Variants in RAF1 observed in about 807,000 individuals in gnomAD.
RAF1 encodes RAF proto-oncogene serine/threonine-protein kinase.
In RAF1, 27 loss-of-function variants were observed where a neutral mutation model predicts 81.1. That is an observed-to-expected ratio of 0.33 (90% confidence interval 0.25 to 0.46). The LOEUF (loss-of-function observed/expected upper bound fraction) is 0.46. RAF1 is among the 20% of genes least tolerant of loss of function. The pLI is 1.00. For synonymous variants in RAF1, 298 were observed against 294.0 expected, an observed-to-expected ratio of 1.01 and a Z score of -0.14; for missense variants, 598 against 826.0, an observed-to-expected ratio of 0.72 and a Z score of 3.38.
intron 1 of RAF1, among the ~76,000 whole-genome samples, chr3:12,624,591 A>T: frequency 6.6e-6 from 1 of 152,234 alleles, no homozygotes; most frequent in East Asian, 1.9e-4. Context: ...CCAAAGTGAA[A>T]ATCAGCTTCT....
intron 2 of RAF1, among the ~76,000 whole-genome samples, chr3:12,614,316 A>T (rs572828639): frequency 2.0e-5 from 3 of 152,298 alleles, no homozygotes; most frequent in Non-Finnish European, 2.9e-5. Flanking sequence ...CTGGGAAAGG[A>T]GTGGATGAAA....
intron 1 of RAF1, among the ~76,000 whole-genome samples, chr3:12,643,274 G>C (rs1017390417): frequency 6.6e-6 from 1 of 152,054 alleles, no homozygotes; most frequent in Non-Finnish European, 1.5e-5. Context: ...GCAGAGTTCT[G>C]AGCACTAATC....
In RAF1 at chr3:12,584,833, G is replaced by A. The variant is rs768479354; in HGVS notation, c.1863+14C>T. ...CCCATGCTTTAATCACATTCTAGCA[G>A]CCCTGAGCCTTACCTGGGGAAAAAG... On this transcript the variant is annotated intron_variant, in intron 17 of 17. Transcript: ENST00000442415. The A allele has an allele frequency of 1.9e-6, 3 of 1,613,802 alleles. No individual in the cohort carries two copies. In the Admixed American group the frequency reaches 5.0e-5, roughly 27 times the overall value.
rs185684272 is a variant in RAF1 at position 12,585,601 on chromosome 3, G to A, written c.1596+80C>T. 133 of 1,406,534 alleles carry A rather than the reference G, an allele frequency of 9.5e-5. No individual in the cohort carries two copies. The African/African-American group carries it at 1.4e-3, about 15-fold the overall frequency. The allele number at this position is 1,406,534 out of a possible 1,614,324, so 87.1% of individuals were successfully genotyped here. On this transcript the variant is annotated intron_variant, in intron 15 of 17. Transcript: ENST00000442415. ...GGATTTCGGGGAAATGTACAGAAAC[G>A]CTTTAAGTTTGCACATAAATCTCCA... is the stretch of plus-strand genomic sequence containing the variant.
chr3:12,591,363 G>A (rs973986190), intron 12 of RAF1, among the ~76,000 whole-genome samples: 2 of 151,916 alleles, frequency 1.3e-5, no homozygotes, highest in South Asian at 2.1e-4. Flanking sequence ...CTAAAATAAG[G>A]CAACTCAGCT....
At chr3:12,588,429 G>T (rs947112146) in intron 13 of RAF1, 1 of 152,178 alleles carries the variant, frequency 6.6e-6, no homozygotes, top group Non-Finnish European at 1.5e-5. Context: ...AACCAAGAAG[G>T]TACAGCCTTC....
intron 6 of RAF1, among the ~76,000 whole-genome samples, chr3:12,604,625 C>T (rs1171995549): frequency 6.6e-6 from 1 of 152,174 alleles, no homozygotes; most frequent in East Asian, 1.9e-4. Context: ...TTGACAACCA[C>T]GCTACCACCT....
Position 12,610,522 on chromosome 3 carries a change from A to T in RAF1, c.321-1187T>A, listed in dbSNP as rs138184461. 2.0e-3 allele frequency among the ~76,000 whole-genome samples: 298 copies of T among 152,234 alleles called. 1 individual carries two copies. The highest frequency in any genetic ancestry group is 6.3e-3 in the African/African-American group (261 of 41,548). ...TAGACCAAGCCCTCCCTGTCTCAGA[A>T]TCTCTCTAGTCCTTAAGGAACACTA... On this transcript the variant is annotated intron_variant, in intron 3 of 17. Coordinates refer to ENST00000442415, the MANE Select transcript of RAF1 (RefSeq NM_001354689.3).
At chr3:12,587,357 A>T in intron 14 of RAF1, 1 of 570,520 alleles carries the variant, frequency 1.8e-6, no homozygotes. Context: ...TGCTGAGATA[A>T]ACTCAGAAAG....
intron 14 of RAF1, chr3:12,587,354 A>G: frequency 1.8e-6 from 1 of 568,382 alleles, no homozygotes; most frequent in Non-Finnish European, 3.2e-6. Flanking sequence ...TTTTGCTGAG[A>G]TAAACTCAGA....
Position 12,627,885 on chromosome 3 carries a change from C to T in RAF1, c.-26-9138G>A, listed in dbSNP as rs146348086. On this transcript the variant is annotated intron_variant, in intron 1 of 17. Coordinates refer to ENST00000442415, the MANE Select transcript of RAF1 (RefSeq NM_001354689.3). ...CTGTAATCCTAGCACTATGGGAGGC[C>T]GAAGCAGGTGGATAACCTGAGGTCA... 2.8e-3 allele frequency among the ~76,000 whole-genome samples: 434 copies of T among 152,284 alleles called. 3 individuals are homozygous for T. Among genetic ancestry groups the T allele is most frequent in the African/African-American group, 9.8e-3 (408 of 41,556 alleles).
intron 1 of RAF1, among the ~76,000 whole-genome samples, chr3:12,625,935 G>A (rs189197173): frequency 2.0e-5 from 3 of 151,730 alleles, no homozygotes; most frequent in East Asian, 1.9e-4. Flanking sequence ...GTATAATATC[G>A]AAAGTAAACC....
intron 1 of RAF1, among the ~76,000 whole-genome samples, chr3:12,632,048 C>A (rs776713109): frequency 6.6e-6 from 1 of 152,098 alleles, no homozygotes; most frequent in African/African-American, 2.4e-5. Flanking sequence ...TTAATTTTGG[C>A]AGGGCACAGT....
At chr3:12,599,872 C>G (rs1364704915) in intron 10 of RAF1, 64 bp from the exon 10 acceptor site, 2 of 1,308,594 alleles carry the variant, frequency 1.5e-6, no homozygotes, top group African/African-American at 1.5e-5. Flanking sequence ...ATAATGAGGG[C>G]ATCAAAGGAT....
At chr3:12,638,441 G>C (rs1371243954) in intron 1 of RAF1, among the ~76,000 whole-genome samples, 1 of 152,152 alleles carries the variant, frequency 6.6e-6, no homozygotes, top group Non-Finnish European at 1.5e-5. Flanking sequence ...GATAATGATT[G>C]GCTGGCAGTC....
chr3:12,591,353 C>A (rs1447203797), intron 12 of RAF1, among the ~76,000 whole-genome samples: 1 of 151,828 alleles, frequency 6.6e-6, no homozygotes, highest in Non-Finnish European at 1.5e-5. Flanking sequence ...GTTCTGAAGT[C>A]TAAAATAAGG....
In RAF1 at chr3:12,663,876, C is replaced by T. The variant is rs923258608; in HGVS notation, c.-90G>A. On this transcript the variant is annotated 5_prime_UTR_variant, in exon 1 of 18. Transcript: ENST00000442415. ...CGGCAGCTTCTCGCCCGCTCCTCCTCCCCGCGGCGGGTGAGGGAGCGGGAG... is the reference window on the plus strand; with the variant it reads ...CGGCAGCTTCTCGCCCGCTCCTCCTTCCCGCGGCGGGTGAGGGAGCGGGAG... The T allele has an allele frequency of 2.5e-6, 1 of 397,978 alleles. No homozygotes were observed. Among genetic ancestry groups the T allele is most frequent in the Non-Finnish European group, 4.4e-6 (1 of 225,678 alleles). 24.7% of individuals were successfully genotyped at this position (397,978 alleles called of 1,614,324 possible). A position where few individuals can be genotyped will look rare whatever the true frequency, so the allele number is the denominator to read the frequency against.
At chr3:12,644,460 C>A (rs1175945222) in intron 1 of RAF1, among the ~76,000 whole-genome samples, 1 of 152,190 alleles carries the variant, frequency 6.6e-6, no homozygotes, top group Non-Finnish European at 1.5e-5. Flanking sequence ...ACAATTCTGA[C>A]TAATGCAGCA....
intron 2 of RAF1, among the ~76,000 whole-genome samples, chr3:12,613,666 T>C (rs1298962219): frequency 6.6e-6 from 1 of 152,094 alleles, no homozygotes; most frequent in Non-Finnish European, 1.5e-5. Flanking sequence ...GGCTCCAAAC[T>C]AGGGCATAGT....
Sources: gnomAD v4.1 joint callset for allele counts (sites outside exome capture counted in the v4.1 genomes callset) on GRCh38, gnomAD v4.1.1 for gene constraint, MANE v1.5 for transcripts, NCBI Gene and HGNC (gene_info 2026-07-23, HGNC 2026-07-21) for gene names.